ACSS1: variants seen among roughly 807,000 people sequenced by gnomAD.
ACSS1 encodes acyl-CoA synthetase short chain family member 1, also known as acetyl-coenzyme A synthetase 2-like, mitochondrial.
A neutral mutation model predicts 75.3 loss-of-function variants in ACSS1; 42 were observed. The ratio of observed to expected loss-of-function variants is 0.56; its 90% CI spans 0.44 to 0.72. The LOEUF is 0.72. Among genes scored for constraint, ACSS1 ranks in the 30% least tolerant of loss-of-function variants. The probability of loss-of-function intolerance (pLI) is 0.00; values close to 1 mark genes in which losing one functional copy is unlikely to be tolerated. For missense variants in ACSS1, 782 were observed against 935.7 expected (o/e 0.84, Z 2.14); for synonymous variants, 380 against 376.8 (o/e 1.01, Z -0.10).
chr20:25,029,543 G>A (rs1008318475), intron 3 of ACSS1, among the ~76,000 whole-genome samples: 4 of 152,120 alleles, frequency 2.6e-5, no homozygotes, highest in African/African-American at 9.7e-5. Context: ...TTAAAAACAG[G>A]TGTTCCTATA....
At chr20:25,048,331 A>C in intron 1 of ACSS1, 150 bp from the exon 2 acceptor site, 3 of 619,974 alleles carry the variant, frequency 4.8e-6, no homozygotes, top group East Asian at 2.8e-5. Flanking sequence ...TGATGTTTCT[A>C]CCCCCTTGCA....
chr20:25,014,954 T>C (rs2088489593), intron 8 of ACSS1, among the ~76,000 whole-genome samples, 184 bp downstream of exon 8: 1 of 152,142 alleles, frequency 6.6e-6, no homozygotes, highest in South Asian at 2.1e-4. Flanking sequence ...GTCCCACAGG[T>C]GGGAAACAGC....
chr20:25,036,626 A>T (rs1176919440), intron 2 of ACSS1, among the ~76,000 whole-genome samples: 1 of 152,132 alleles, frequency 6.6e-6, no homozygotes, highest in African/African-American at 2.4e-5. Context: ...GGCCCAGGAT[A>T]AGTAAGTCCT....
intron 2 of ACSS1, among the ~76,000 whole-genome samples, chr20:25,042,588 A>T (rs2089022203): frequency 6.6e-6 from 1 of 152,094 alleles, no homozygotes; most frequent in African/African-American, 2.4e-5. Context: ...TGTTTTAATA[A>T]GGGAGTGTGC....
At chr20:25,012,514 C>T in intron 12 of ACSS1, 87 bp downstream of exon 12, 1 of 1,507,422 alleles carries the variant, frequency 6.6e-7, no homozygotes, top group Non-Finnish European at 9.2e-7. Flanking sequence ...TATCACTCCA[C>T]TCTCCAGAGT....
At chr20:25,015,790 C>T (rs902990881) in intron 7 of ACSS1, among the ~76,000 whole-genome samples, 1 of 152,178 alleles carries the variant, frequency 6.6e-6, no homozygotes, top group Non-Finnish European at 1.5e-5. Context: ...CAGGATTTCA[C>T]AGACACCATT....
At chr20:25,031,868 C>T (rs1415498717) in intron 2 of ACSS1, among the ~76,000 whole-genome samples, 1 of 152,192 alleles carries the variant, frequency 6.6e-6, no homozygotes, top group East Asian at 1.9e-4. Context: ...AGTCGAGAAA[C>T]AACAGGTCCC....
rs1417466135 is a variant in ACSS1 at position 25,030,818 on chromosome 20, A to T, written c.572T>A (p.Val191Asp). 1 of 1,614,226 alleles carries T rather than the reference A, an allele frequency of 6.2e-7. No homozygotes were observed. The highest frequency in any genetic ancestry group is 1.7e-5 in the Admixed American group (1 of 60,032). The change falls in exon 3 of 14, where the codon GTC becomes GAC. Residue 191 changes from valine to aspartate, a missense_variant. Val to Asp is a radical substitution (Grantham distance 152). Transcript: ENST00000323482. ...GAAGCCAGCAAAGATGACTGTGTGG[A>T]CAGCTCCGATCCTGGCACAGGCCAG... ...AMLACARIGA[V>D]HTVIFAGFSA...
chr20:25,047,010 A>G, intron 2 of ACSS1: 1 of 731,200 alleles, frequency 1.4e-6, no homozygotes, highest in Admixed American at 1.9e-5. Context: ...AGGAACGAGC[A>G]GGACAGGGCC....
intron 12 of ACSS1, chr20:25,010,111 T>A (rs1485244053): frequency 1.3e-5 from 2 of 152,510 alleles, no homozygotes; most frequent in Non-Finnish European, 2.9e-5. Context: ...CCCGGTGCCA[T>A]CCCTGATAGC....
At position 25,007,050 on chromosome 20, in the gene ACSS1, A is replaced by T; in HGVS notation, c.*712T>A. ...GGCCACATTCACCCCACCGCTTAGGAGTTAGCTCCATTATACACAACCAAG... is the reference window on the plus strand; with the variant it reads ...GGCCACATTCACCCCACCGCTTAGGTGTTAGCTCCATTATACACAACCAAG... On this transcript the variant is annotated 3_prime_UTR_variant, in exon 14 of 14. Transcript: ENST00000323482. 1 of 1,488,350 alleles carries T rather than the reference A, an allele frequency of 6.7e-7. No homozygotes were observed. The highest frequency in any genetic ancestry group is 8.9e-7 in the Non-Finnish European group (1 of 1,123,430). The allele number at this position is 1,488,350 out of a possible 1,614,324, so 92.2% of individuals were successfully genotyped here.
At chr20:25,056,688 T>G (rs1449055947) in intron 1 of ACSS1, among the ~76,000 whole-genome samples, 2 of 152,112 alleles carry the variant, frequency 1.3e-5, no homozygotes, top group Admixed American at 6.5e-5. Context: ...CAAGGACAAC[T>G]GAGGGAGGAG....
intron 2 of ACSS1, among the ~76,000 whole-genome samples, chr20:25,033,036 C>T (rs979302629): frequency 2.0e-5 from 3 of 152,218 alleles, no homozygotes; most frequent in African/African-American, 7.2e-5. Context: ...AACACTCCCC[C>T]GGAAAACCCC....
At chr20:25,033,104 A>T (rs2088854834) in intron 2 of ACSS1, among the ~76,000 whole-genome samples, 2 of 152,092 alleles carry the variant, frequency 1.3e-5, no homozygotes, top group Non-Finnish European at 2.9e-5. Flanking sequence ...TCCGGGGAGG[A>T]GGCTGGGGTG....
In ACSS1 at chr20:25,009,361, T is replaced by C; in HGVS notation, c.1799A>G (p.Asp600Gly). The stretch of plus-strand genomic sequence containing the variant: ...CACCACATCTGAGTCACCCGCACTA[T>C]CTTTCACCACAATGAAGGCAAAGGC... ...EAAFAFIVVK[D>G]SAGDSDVVVQ... Residue 600 changes from aspartate to glycine, a missense_variant, in exon 13 of 14, where the codon GAT becomes GGT. This residue lies in a region of ACSS1 where 405 missense variants were observed against 552.6 expected (regional missense o/e 0.73). Transcript: ENST00000323482. 2 of 1,614,174 alleles carry C rather than the reference T, an allele frequency of 1.2e-6. No homozygotes were observed. Among genetic ancestry groups the C allele is most frequent in the Non-Finnish European group, 1.7e-6 (2 of 1,180,016 alleles).
intron 1 of ACSS1, among the ~76,000 whole-genome samples, chr20:25,049,431 C>G (rs73348715): frequency 0.033 from 4,993 of 152,220 alleles, 265 homozygotes; most frequent in African/African-American, 0.11. Context: ...CCCAACCAGT[C>G]CTGGGTGCCA....
At chr20:25,050,258 C>A (rs1406057250) in intron 1 of ACSS1, among the ~76,000 whole-genome samples, 3 of 152,124 alleles carry the variant, frequency 2.0e-5, no homozygotes, top group Non-Finnish European at 2.9e-5. Context: ...GGCTTCTGAA[C>A]AATCAGCAGG....
rs1365204788 is a variant in ACSS1 at position 25,007,301 on chromosome 20, T to C, written c.*461A>G. ...TGTTCAAGTAAATCCACACACTACATGTGAGTGTTGCATGCTGTTCTTCCA... is the reference window on the plus strand; with the variant it reads ...TGTTCAAGTAAATCCACACACTACACGTGAGTGTTGCATGCTGTTCTTCCA... On this transcript the variant is annotated 3_prime_UTR_variant, in exon 14 of 14. Transcript: ENST00000323482. 1 of 1,101,822 alleles carries C rather than the reference T, an allele frequency of 9.1e-7. No homozygotes were observed. Among genetic ancestry groups the C allele is most frequent in the Non-Finnish European group, 1.1e-6 (1 of 902,528 alleles). 68.3% of individuals were successfully genotyped at this position (1,101,822 alleles called of 1,614,324 possible). A position where few individuals can be genotyped will look rare whatever the true frequency, so the allele number is the denominator to read the frequency against.
In ACSS1 at chr20:25,030,956, T is replaced by C; in HGVS notation, c.434A>G (p.Glu145Gly). The C allele has an allele frequency of 4.3e-6, 7 of 1,613,968 alleles. No individual in the cohort carries two copies. The South Asian group carries it at 7.7e-5, about 18-fold the overall frequency. The change falls in exon 3 of 14, where the codon GAA (glutamate) becomes GGA (glycine). Residue 145 changes from glutamate (E) to glycine (G), a missense_variant and splice_region_variant. Glu to Gly is a moderately conservative substitution (Grantham distance 98). Coordinates refer to ENST00000323482, the MANE Select transcript of ACSS1 (RefSeq NM_032501.4). ...CAGGCGGCACGTGGTCTCCAGTAGT[T>C]CCCTGCAGCACAGGGAAGAGAAAGC... The part of the protein sequence containing the change: ...PGTEVRITYR[E>G]LLETTCRLAN...
Sources: gnomAD v4.1 joint callset for allele counts (sites outside exome capture counted in the v4.1 genomes callset) on GRCh38, gnomAD v4.1.1 for gene constraint, gnomAD v4.1.1 regional missense constraint, MANE v1.5 for transcripts, NCBI Gene and HGNC (gene_info 2026-07-23, HGNC 2026-07-21) for gene names.